The following PROM1 variants were observed in gnomAD, a reference collection of about 807,000 sequenced individuals.
PROM1 encodes prominin 1.
PROM1 carries 105 observed loss-of-function variants against 116.9 expected under a neutral mutation model. The ratio of observed to expected loss-of-function variants is 0.90; its 90% CI spans 0.77 to 1.06. The LOEUF is 1.06. PROM1 is among the 50% of genes least tolerant of loss of function. The pLI is 0.00. For synonymous variants in PROM1, 393 were observed against 387.0 expected, an observed-to-expected ratio of 1.02 and a Z score of -0.18; for missense variants, 1,122 against 1,045.2, an observed-to-expected ratio of 1.07 and a Z score of -1.01.
Position 16,075,964 on chromosome 4 carries a change from C to T in PROM1, c.-58G>A. On this transcript the variant is annotated 5_prime_UTR_variant, in exon 2 of 28. Coordinates refer to ENST00000447510, the MANE Select transcript of PROM1 (RefSeq NM_006017.3). The stretch of plus-strand genomic sequence containing the variant: ...CTTGGTGCCTCCTGCCTCAGAGCTT[C>T]TGGAAGCCTTGGGGAAGGCAAGCGT... 1 of 1,512,526 alleles carries T rather than the reference C, an allele frequency of 6.6e-7. No homozygotes were observed. Among genetic ancestry groups the T allele is most frequent in the East Asian group, 2.4e-5 (1 of 41,500 alleles). The allele number at this position is 1,512,526 out of a possible 1,614,324, so 93.7% of individuals were successfully genotyped here.
At chr4:16,016,301 A>G (rs986336082) in intron 9 of PROM1, 61 bp from the exon 10 acceptor site, 3 of 1,321,430 alleles carry the variant, frequency 2.3e-6, no homozygotes, top group Non-Finnish European at 2.1e-6. Flanking sequence ...ATTCCTCATG[A>G]AGAAAGAAGT....
chr4:15,976,429 C>G (rs369169673), intron 26 of PROM1, among the ~76,000 whole-genome samples: 5 of 152,180 alleles, frequency 3.3e-5, no homozygotes, highest in Admixed American at 1.3e-4. Flanking sequence ...AAGTCTTTGA[C>G]GCTACACGCA....
At chr4:16,027,323 C>CACACACACA (rs1367970033) in intron 5 of PROM1, among the ~76,000 whole-genome samples, 1 of 151,782 alleles carries the variant, frequency 6.6e-6, no homozygotes, top group African/African-American at 2.4e-5. Context: ...CACACACACA[C>CACACACACA]AAAAGTTGAG....
chr4:16,008,800 T>C (rs1294580436), intron 12 of PROM1, 149 bp downstream of exon 12: 4 of 727,240 alleles, frequency 5.5e-6, no homozygotes, highest in Non-Finnish European at 6.7e-6. Flanking sequence ...CAAATTCTAA[T>C]GAACATAAAC....
intron 19 of PROM1, 32 bp from the exon 20 acceptor site, chr4:15,987,748 A>G (rs2149091513): frequency 6.3e-7 from 1 of 1,582,006 alleles, no homozygotes; most frequent in South Asian, 1.1e-5. Context: ...TTCCAAAATT[A>G]TTACATGAAG....
intron 2 of PROM1, among the ~76,000 whole-genome samples, chr4:16,044,411 C>T (rs917219858): frequency 1.3e-5 from 2 of 152,192 alleles, no homozygotes; most frequent in East Asian, 3.8e-4. Flanking sequence ...TGTAAGTCAG[C>T]TTGCTTGGGC....
At chr4:16,060,333 A>G (rs565769810) in intron 2 of PROM1, among the ~76,000 whole-genome samples, 215 of 150,136 alleles carry the variant, frequency 1.4e-3, no homozygotes, top group African/African-American at 4.9e-3. Context: ...CCTTTGGGAC[A>G]GGGTCTTACT....
intron 3 of PROM1, among the ~76,000 whole-genome samples, chr4:16,036,291 G>A (rs759623978): frequency 6.6e-6 from 1 of 152,144 alleles, no homozygotes; most frequent in Non-Finnish European, 1.5e-5. Flanking sequence ...GTGGCTCTAT[G>A]TCATTTTCTA....
At chr4:16,002,673 A>G (rs1724169562) in intron 13 of PROM1, among the ~76,000 whole-genome samples, 1 of 152,142 alleles carries the variant, frequency 6.6e-6, no homozygotes, top group African/African-American at 2.4e-5. Context: ...AGAAGAAGTG[A>G]GTGAGGGCCA....
intron 14 of PROM1, 148 bp downstream of exon 14, chr4:16,000,348 T>C (rs1723451685): frequency 1.5e-6 from 1 of 657,784 alleles, no homozygotes; most frequent in Non-Finnish European, 2.2e-6. Flanking sequence ...TATTTGAAAA[T>C]TTATTGAATT....
chr4:15,979,456 T>C lies in PROM1; in HGVS notation c.2521A>G (p.Asn841Asp), dbSNP rs752489889. The C allele has an allele frequency of 7.5e-6, 12 of 1,610,320 alleles. No individual in the cohort carries two copies. The Admixed American group carries it at 1.2e-4, about 16-fold the overall frequency. ...TCTTTATGATAACCATTATTACCAT[T>C]TTCCATACTGTAACAGAAATAAATA... Reference protein sequence around the residue: ...VETIPMKNMENGNNGYHKDHV... With the variant: ...VETIPMKNMEDGNNGYHKDHV... The change falls in exon 26 of 28, where the codon AAT (asparagine) becomes GAT (aspartate). Residue 841 changes from asparagine (N) to aspartate (D), a missense_variant. Transcript: ENST00000447510.
chr4:16,006,755 C>G, intron 12 of PROM1, 65 bp from the exon 13 acceptor site: 1 of 1,526,930 alleles, frequency 6.5e-7, no homozygotes, highest in Non-Finnish European at 9.0e-7. Flanking sequence ...ACAAAAGCTG[C>G]TGGACTAAGG....
At chr4:16,026,843 C>G (rs1169973684) in intron 5 of PROM1, among the ~76,000 whole-genome samples, 32 of 152,158 alleles carry the variant, frequency 2.1e-4, no homozygotes, top group Non-Finnish European at 5.9e-5. Flanking sequence ...TTGCAGTGTA[C>G]TGAATACTAG....
intron 16 of PROM1, among the ~76,000 whole-genome samples, chr4:15,993,758 C>G (rs1199933416): frequency 6.6e-6 from 1 of 152,160 alleles, no homozygotes; most frequent in African/African-American, 2.4e-5. Flanking sequence ...TTGCATAATC[C>G]ACTAGGAAAA....
At position 15,987,689 on chromosome 4, in the gene PROM1, G is replaced by A; in HGVS notation, c.2104C>T (p.Leu702Phe). 1 of 1,611,468 alleles carries A rather than the reference G, an allele frequency of 6.2e-7. No individual in the cohort carries two copies. The highest frequency in any genetic ancestry group is 8.5e-7 in the Non-Finnish European group (1 of 1,179,176). The change falls in exon 20 of 28, where the codon CTT becomes TTT. Residue 702 changes from leucine (L) to phenylalanine (F), a missense_variant. Leu to Phe is a conservative substitution (Grantham distance 22, BLOSUM62 0). Transcript: ENST00000447510. ...LSTLYQSVKI[L>F]QRTGNGLLER... is the part of the protein sequence containing the mutation. ...AACAATCCATTCCCTGTGCGTTGAA[G>A]TATCTTGACGCTTTGGTATAGAGTG... is the stretch of plus-strand genomic sequence containing the variant.
In PROM1 at chr4:15,980,403, T is replaced by C. The variant is rs752012414; in HGVS notation, c.2489+19A>G. 28 of 1,487,334 alleles carry C rather than the reference T, an allele frequency of 1.9e-5. No individual in the cohort carries two copies. The highest frequency in any genetic ancestry group is 2.6e-5 in the Non-Finnish European group (28 of 1,091,334). The allele number at this position is 1,487,334 out of a possible 1,614,324, so 92.1% of individuals were successfully genotyped here. On this transcript the variant is annotated intron_variant, in intron 24 of 27. Transcript: ENST00000447510. ...ACCTAGAAAATGACCCCCACGTCTG[T>C]GGAAGCCCACATACTTACTCATCGT...
chr4:16,016,116 C>T, intron 10 of PROM1, 50 bp downstream of exon 10: 5 of 1,450,476 alleles, frequency 3.4e-6, no homozygotes, highest in Non-Finnish European at 4.7e-6. Context: ...TACTAGTCCA[C>T]CCTTTAAAAT....
At chr4:15,974,118 T>TTCTC (rs35011290) in intron 26 of PROM1, among the ~76,000 whole-genome samples, 6,216 of 148,968 alleles carry the variant, frequency 0.042, 338 homozygotes, top group East Asian at 0.28. Context: ...CTCTCTCTCT[T>TTCTC]TCTCTCTCTC....
chr4:16,021,107 A>C (rs1729740206), intron 8 of PROM1, among the ~76,000 whole-genome samples: 1 of 151,942 alleles, frequency 6.6e-6, no homozygotes, highest in African/African-American at 2.4e-5. Context: ...CCAAAAAAAA[A>C]AAAAAAATGC....
Sources: gnomAD v4.1 joint callset for allele counts (sites outside exome capture counted in the v4.1 genomes callset) on GRCh38, gnomAD v4.1.1 for gene constraint, MANE v1.5 for transcripts, NCBI Gene and HGNC (gene_info 2026-07-23, HGNC 2026-07-21) for gene names.